KLHL2: variants seen among roughly 807,000 people sequenced by gnomAD.
The protein encoded by KLHL2 is kelch like family member 2.
A neutral mutation model predicts 75.8 loss-of-function variants in KLHL2; 15 were observed. The ratio of observed to expected loss-of-function variants is 0.20; its 90% CI spans 0.13 to 0.30. The LOEUF (loss-of-function observed/expected upper bound fraction) is 0.30. Among genes scored for constraint, KLHL2 ranks in the 10% least tolerant of loss-of-function variants. The probability of loss-of-function intolerance (pLI) is 1.00; values close to 1 mark genes in which losing one functional copy is unlikely to be tolerated. For synonymous variants in KLHL2, 214 were observed against 251.9 expected, an observed-to-expected ratio of 0.85 and a Z score of 1.42; for missense variants, 381 against 741.0, an observed-to-expected ratio of 0.51 and a Z score of 5.64.
chr4:165,318,046 T>G, intron 14 of KLHL2, 77 bp downstream of exon 14: 1 of 1,340,870 alleles, frequency 7.5e-7, no homozygotes, highest in Non-Finnish European at 1.1e-6. Context: ...GAAGTTTTTC[T>G]GTTATAAGAA....
intron 1 of KLHL2, among the ~76,000 whole-genome samples, chr4:165,212,806 A>G (rs576215070): frequency 3.9e-5 from 6 of 152,322 alleles, no homozygotes; most frequent in Admixed American, 3.3e-4. Flanking sequence ...CTTCTCTTCT[A>G]TCACTGCTTG....
chr4:165,307,536 T>C (rs57715828), intron 9 of KLHL2, among the ~76,000 whole-genome samples: 7,436 of 152,284 alleles, frequency 0.049, 484 homozygotes, highest in African/African-American at 0.15. Context: ...TATGCTGTTC[T>C]AGGATCCTGC....
At chr4:165,317,994 T>G in intron 14 of KLHL2, 25 bp downstream of exon 14, 1 of 1,605,570 alleles carries the variant, frequency 6.2e-7, no homozygotes, top group Non-Finnish European at 8.5e-7. Context: ...TAAAGTCAAT[T>G]TCCGTACAAA....
intron 5 of KLHL2, among the ~76,000 whole-genome samples, chr4:165,290,072 A>G (rs987215476): frequency 6.6e-6 from 1 of 152,104 alleles, no homozygotes; most frequent in African/African-American, 2.4e-5. Context: ...GTATTCATAA[A>G]TGTTTCTAAA....
chr4:165,302,270 C>T (rs941307973), intron 8 of KLHL2, among the ~76,000 whole-genome samples: 12 of 152,098 alleles, frequency 7.9e-5, no homozygotes, highest in Admixed American at 4.6e-4. Flanking sequence ...TTTCCAACAC[C>T]ACCATTTGTC....
At chr4:165,305,478 T>G (rs553384777) in intron 8 of KLHL2, 130 bp from the exon 9 acceptor site, 1 of 707,254 alleles carries the variant, frequency 1.4e-6, no homozygotes, top group South Asian at 1.7e-5. Flanking sequence ...GGTGGTTAGA[T>G]GTTTGTATTC....
rs572270152 is a variant in KLHL2, at chr4:165,211,932, T to C, written c.26+4030T>C. Among the ~76,000 whole-genome samples, 6 of 152,326 alleles carry C rather than the reference T, an allele frequency of 3.9e-5. 1 individual carries two copies. In the East Asian group the frequency reaches 1.2e-3, roughly 29 times the overall value. On this transcript the variant is annotated intron_variant, in intron 1 of 14. Coordinates refer to ENST00000226725, the MANE Select transcript of KLHL2 (RefSeq NM_007246.4). ...GTAAATGTGCTTTTCTGAAGGTGACTGTAAGTTTACTCATCTATGGCTGTT... is the reference window on the plus strand; with the variant it reads ...GTAAATGTGCTTTTCTGAAGGTGACCGTAAGTTTACTCATCTATGGCTGTT...
At chr4:165,264,364 C>T (rs1741972722) in intron 5 of KLHL2, among the ~76,000 whole-genome samples, 1 of 151,502 alleles carries the variant, frequency 6.6e-6, no homozygotes, top group South Asian at 2.1e-4. Flanking sequence ...TCATCCATCA[C>T]CATCCTCTCA....
intron 9 of KLHL2, among the ~76,000 whole-genome samples, chr4:165,309,908 T>G (rs890037446): frequency 1.3e-5 from 2 of 152,072 alleles, no homozygotes; most frequent in Non-Finnish European, 2.9e-5. Flanking sequence ...AGATCCAAAA[T>G]TGAAAGCTAT....
chr4:165,287,717 T>G (rs561993684), intron 5 of KLHL2, among the ~76,000 whole-genome samples: 1 of 152,316 alleles, frequency 6.6e-6, no homozygotes, highest in South Asian at 2.1e-4. Context: ...TGGGGTAATA[T>G]CTCATTGTGG....
chr4:165,264,711 TATATATATAC>T (rs1401554604), intron 5 of KLHL2, among the ~76,000 whole-genome samples: 14 of 81,252 alleles, frequency 1.7e-4, no homozygotes, highest in African/African-American at 6.6e-4. Flanking sequence ...TGTGTATATA[TATATATATAC>T]ATATATATAT....
intron 4 of KLHL2, among the ~76,000 whole-genome samples, chr4:165,259,188 C>T (rs1198481224): frequency 3.9e-5 from 6 of 152,010 alleles, no homozygotes; most frequent in Non-Finnish European, 5.9e-5. Context: ...CTGCAACCTC[C>T]GCCTCCTGGG....
intron 5 of KLHL2, 97 bp from the exon 6 acceptor site, chr4:165,294,262 A>G: frequency 2.9e-6 from 2 of 690,998 alleles, no homozygotes; most frequent in South Asian, 1.9e-5. Context: ...TCTCATTCTT[A>G]AGTTAGATTA....
At chr4:165,229,062 C>T in intron 3 of KLHL2, 149 bp downstream of exon 3, 1 of 577,646 alleles carries the variant, frequency 1.7e-6, no homozygotes, top group East Asian at 2.8e-5. Flanking sequence ...CCAAATTCCT[C>T]CTCGTCTTTG....
intron 5 of KLHL2, chr4:165,278,964 C>A (rs1279720413): frequency 2.7e-6 from 4 of 1,495,626 alleles, no homozygotes; most frequent in Non-Finnish European, 3.7e-6. Flanking sequence ...GGAAGAATTT[C>A]CATTGGAATT....
At chr4:165,224,005 C>G (rs1197699898) in intron 2 of KLHL2, 1 of 439,238 alleles carries the variant, frequency 2.3e-6, no homozygotes, top group Non-Finnish European at 4.5e-6. Context: ...ACCTCCGACT[C>G]CTGGGTTCAA....
chr4:165,313,890 T>C (rs1746402432), intron 12 of KLHL2, 136 bp from the exon 13 acceptor site: 1 of 723,664 alleles, frequency 1.4e-6, no homozygotes. Context: ...TCTTAAATTG[T>C]AGGCTATAGT....
chr4:165,311,807 CTCTG>C (rs1408271771), intron 11 of KLHL2, among the ~76,000 whole-genome samples: 148 of 111,722 alleles, frequency 1.3e-3, no homozygotes, highest in African/African-American at 2.8e-3. Context: ...CCTCCTTTCT[CTCTG>C]TGTGTGTGTG....
intron 9 of KLHL2, among the ~76,000 whole-genome samples, chr4:165,309,220 C>T (rs1745961506): frequency 6.6e-6 from 1 of 152,136 alleles, no homozygotes; most frequent in Admixed American, 6.5e-5. Context: ...CTGAAGTACA[C>T]AACATAGATG....
Sources: gnomAD v4.1 joint callset for allele counts (sites outside exome capture counted in the v4.1 genomes callset) on GRCh38, gnomAD v4.1.1 for gene constraint, MANE v1.5 for transcripts, NCBI Gene and HGNC (gene_info 2026-07-23, HGNC 2026-07-21) for gene names.